Variants in WNK1 observed in about 807,000 individuals in gnomAD.
WNK1 encodes WNK lysine deficient protein kinase 1.
In WNK1, 38 loss-of-function variants were observed where a neutral mutation model predicts 222.8. The observed-to-expected ratio is 0.17, with a 90% CI of 0.13 to 0.22. WNK1 has a LOEUF of 0.22. Ranked by LOEUF, WNK1 falls within the 10% of genes least tolerant of loss-of-function variation. WNK1 has a pLI of 1.00. For synonymous variants in WNK1, 1,090 were observed against 1,092.9 expected (o/e 1.00, Z 0.05); for missense variants, 2,348 against 2,918.4 (o/e 0.80, Z 4.50).
rs1472795924 is a variant in WNK1 at position 910,054 on chromosome 12, C to T, written c.*1262C>T. 2 of 151,592 alleles carry T rather than the reference C, an allele frequency of 1.3e-5. No homozygotes were observed. Among genetic ancestry groups the T allele is most frequent in the Non-Finnish European group, 2.9e-5 (2 of 68,018 alleles). The allele number at this position is 151,592 out of a possible 1,614,324, so 9.4% of individuals were successfully genotyped here. A position where few individuals can be genotyped will look rare whatever the true frequency, so the allele number is the denominator to read the frequency against. On this transcript the variant is annotated 3_prime_UTR_variant, in exon 28 of 28. Coordinates refer to ENST00000315939, the MANE Select transcript of WNK1 (RefSeq NM_018979.4). The stretch of plus-strand genomic sequence containing the variant: ...AACAAACGTGATGCCTGGCCAGTGA[C>T]TGTCATATAAACCTTTCTTATTTGA...
At position 753,513 on chromosome 12, in the gene WNK1, G is replaced by T. The variant is rs535842536; in HGVS notation, c.-53G>T. The T allele has an allele frequency of 8.7e-6, 14 of 1,609,034 alleles. No homozygotes were observed. In the Admixed American group the frequency reaches 1.2e-4, roughly 13 times the overall value. On this transcript the variant is annotated 5_prime_UTR_variant, in exon 1 of 28. Transcript: ENST00000315939. The surrounding 1 kb of genome is among the most constrained non-coding windows in gnomAD (Gnocchi z 5.2). The stretch of plus-strand genomic sequence containing the variant: ...CTGCGCGGGCGGCTCGGCCCTTCAC[G>T]CCCTTTTCGTTCACGAATCCGAGCC...
rs763696224 is a variant in WNK1 at position 868,573 on chromosome 12, T to C, written c.2140-2692T>C. Reference sequence around the variant, plus strand: ...AATTTCACCCTGTCTTTGTTCCTCATTCTGCGCCTGCTGTGTTAACTCATA... The same window carrying C: ...AATTTCACCCTGTCTTTGTTCCTCACTCTGCGCCTGCTGTGTTAACTCATA... On this transcript the variant is annotated intron_variant, in intron 8 of 27. Transcript: ENST00000315939. 4 of 1,613,884 alleles carry C rather than the reference T, an allele frequency of 2.5e-6. No individual in the cohort carries two copies. The African/African-American group carries it at 5.3e-5, about 22-fold the overall frequency.
In WNK1 at chr12:859,408, A is replaced by ATTG; in HGVS notation, c.1565_1567dup (p.Ile522_Glu523insVal). The ATTG allele has an allele frequency of 6.2e-7, 1 of 1,612,806 alleles. No individual in the cohort carries two copies. The highest frequency in any genetic ancestry group is 8.5e-7 in the Non-Finnish European group (1 of 1,179,288). On this transcript the variant is annotated inframe_insertion, in exon 6 of 28. Coordinates refer to ENST00000315939, the MANE Select transcript of WNK1 (RefSeq NM_018979.4). ...GGGAAAATACAAAGATAATGAAGCT[A>ATTG]TTGAGTTTTCTTTTGATTTAGAGAG... is the stretch of plus-strand genomic sequence containing the variant.
intron 2 of WNK1, among the ~76,000 whole-genome samples, chr12:822,569 A>G (rs529165649): frequency 2.0e-5 from 3 of 152,268 alleles, no homozygotes; most frequent in African/African-American, 7.2e-5. Context: ...GAGGATCACA[A>G]TTAACATCAT....
chr12:767,502 T>G (rs915275800), intron 1 of WNK1, among the ~76,000 whole-genome samples: 2 of 151,396 alleles, frequency 1.3e-5, no homozygotes, highest in Non-Finnish European at 2.9e-5. Context: ...CCACCCTCCT[T>G]GGCCTCCCAA....
intron 4 of WNK1, among the ~76,000 whole-genome samples, chr12:853,937 A>G (rs536651268): frequency 1.6e-3 from 246 of 151,090 alleles, no homozygotes; most frequent in African/African-American, 5.5e-3. Flanking sequence ...CTCTTTGGAG[A>G]GACAGGGTCT....
intron 1 of WNK1, among the ~76,000 whole-genome samples, chr12:757,030 A>G (rs535537339): frequency 3.3e-5 from 5 of 152,316 alleles, no homozygotes; most frequent in African/African-American, 1.2e-4. Context: ...GAGATGACAA[A>G]GCATTTGTAG....
chr12:897,536 G>A lies in WNK1; in HGVS notation c.6303G>A (p.Leu2101=). 2 of 1,613,648 alleles carry A rather than the reference G, an allele frequency of 1.2e-6. No homozygotes were observed. Among genetic ancestry groups the A allele is most frequent in the South Asian group, 1.1e-5 (1 of 91,088 alleles). The change falls in exon 25 of 28, where the codon TTG becomes TTA. Residue 2101 remains leucine, a synonymous_variant. Transcript: ENST00000315939. ...GCCAGAAGCATGAAATTGAATCTTT[G>A]TATACCAAACTGGGCAAGGTGCCCC... is the stretch of plus-strand genomic sequence containing the variant. ...QSRQKHEIES[L]YTKLGKVPPA...
At chr12:757,332 TTAA>T (rs1486692510) in intron 1 of WNK1, among the ~76,000 whole-genome samples, 2,401 of 97,174 alleles carry the variant, frequency 0.025, 36 homozygotes, top group African/African-American at 0.073. Flanking sequence ...TTTTTTTTTT[TTAA>T]AAAAAAAAAG....
At chr12:845,175 G>T (rs527959846) in intron 4 of WNK1, among the ~76,000 whole-genome samples, 1 of 152,236 alleles carries the variant, frequency 6.6e-6, no homozygotes, top group South Asian at 2.1e-4. Flanking sequence ...GATTACAGGC[G>T]TGAGCCACCG....
intron 3 of WNK1, among the ~76,000 whole-genome samples, chr12:828,259 T>G (rs995939386): frequency 3.0e-4 from 46 of 152,076 alleles, no homozygotes; most frequent in African/African-American, 1.1e-3. Flanking sequence ...TGAGCTGAGA[T>G]TGCGCCACTG....
chr12:906,224 A>G, intron 26 of WNK1: 1 of 808,288 alleles, frequency 1.2e-6, no homozygotes, highest in Non-Finnish European at 1.5e-6. Context: ...AACACGTGAG[A>G]TCTGGTAAGA....
intron 26 of WNK1, among the ~76,000 whole-genome samples, chr12:905,981 A>T (rs939831806): frequency 2.6e-5 from 4 of 152,106 alleles, no homozygotes; most frequent in African/African-American, 9.7e-5. Context: ...TGCAGCACAG[A>T]CCTGCTTGTG....
Position 885,667 on chromosome 12 carries a change from G to C in WNK1, c.4863G>C (p.Gln1621His). The C allele has an allele frequency of 6.2e-7, 1 of 1,614,092 alleles. No homozygotes were observed. The highest frequency in any genetic ancestry group is 8.5e-7 in the Non-Finnish European group (1 of 1,180,014). The change falls in exon 19 of 28, where the codon CAG (glutamine) becomes CAC (histidine). Residue 1621 changes from glutamine to histidine, a missense_variant. Coordinates refer to ENST00000315939, the MANE Select transcript of WNK1 (RefSeq NM_018979.4). The part of the protein sequence containing the change: ...PAVQQTLIHS[Q>H]PQPALLPNQP... ...TACAGCAGACACTAATTCATAGTCA[G>C]CCTCAACCAGCTTTGCTTCCCAACC...
At chr12:849,508 T>C (rs1950262266) in intron 4 of WNK1, among the ~76,000 whole-genome samples, 1 of 152,196 alleles carries the variant, frequency 6.6e-6, no homozygotes, top group African/African-American at 2.4e-5. Flanking sequence ...ATTTTGAGAC[T>C]TTTATAGGAG....
intron 1 of WNK1, among the ~76,000 whole-genome samples, chr12:785,587 CG>C (rs1319516216): frequency 6.6e-6 from 1 of 151,894 alleles, no homozygotes; most frequent in Non-Finnish European, 1.5e-5. Context: ...TTAGTAGAGA[CG>C]GGGTTTCACC....
rs775541231 is a variant in WNK1 at position 896,499 on chromosome 12, T to G, written c.6012T>G (p.Pro2004=). 4.3e-6 allele frequency: 7 copies of G among 1,613,870 alleles called. No homozygotes were observed. The South Asian group carries it at 7.7e-5, about 18-fold the overall frequency. The part of the protein sequence containing the change: ...PKKEKPELSE[P]SHLNGPSSDP... ...AAGAGAAGCCTGAACTGTCAGAGCC[T>G]TCACATCTAAATGGGCCGTCTTCTG... Residue 2004 remains proline (P), a synonymous_variant, in exon 24 of 28, where the codon CCT becomes CCG. Coordinates refer to ENST00000315939, the MANE Select transcript of WNK1 (RefSeq NM_018979.4).
At position 896,508 on chromosome 12, in the gene WNK1, A is replaced by G. The variant is rs1466331283; in HGVS notation, c.6021A>G (p.Leu2007=). The change falls in exon 24 of 28, where the codon CTA becomes CTG. Residue 2007 remains leucine, a synonymous_variant. Transcript: ENST00000315939. ...EKPELSEPSH[L]NGPSSDPEAA... ...CTGAACTGTCAGAGCCTTCACATCT[A>G]AATGGGCCGTCTTCTGACCCGGAGG... is the stretch of plus-strand genomic sequence containing the variant. 5 of 1,613,764 alleles carry G rather than the reference A, an allele frequency of 3.1e-6. No homozygotes were observed. The highest frequency in any genetic ancestry group is 4.2e-6 in the Non-Finnish European group (5 of 1,179,994).
chr12:907,751 C>G, intron 26 of WNK1, 96 bp from the exon 27 acceptor site: 1 of 1,399,602 alleles, frequency 7.1e-7, no homozygotes, highest in Non-Finnish European at 1.0e-6. Context: ...TCTTCTCATT[C>G]TGTGGCTTGC....
Sources: gnomAD v4.1 joint callset for allele counts (sites outside exome capture counted in the v4.1 genomes callset) on GRCh38, gnomAD v4.1.1 for gene constraint, Gnocchi (gnomAD v3.1) non-coding constraint, MANE v1.5 for transcripts, NCBI Gene and HGNC (gene_info 2026-07-23, HGNC 2026-07-21) for gene names.